SCARB1: variants seen among roughly 807,000 people sequenced by gnomAD.
The protein encoded by SCARB1 is CD36 and LIMPII analogous 1.
Under a neutral mutation model 57.2 loss-of-function variants are expected in SCARB1, and 30 were observed. The ratio of observed to expected loss-of-function variants is 0.52; its 90% confidence interval spans 0.39 to 0.71. The LOEUF is 0.71. Ranked by LOEUF, SCARB1 falls within the 30% of genes least tolerant of loss-of-function variation. SCARB1 has a pLI of 0.00. For missense variants in SCARB1, 543 were observed against 671.2 expected, an observed-to-expected ratio of 0.81 and a Z score of 2.11; for synonymous variants, 249 against 268.3, an observed-to-expected ratio of 0.93 and a Z score of 0.70.
At chr12:124,832,539 T>C (rs1951447046) in intron 1 of SCARB1, among the ~76,000 whole-genome samples, 1 of 151,320 alleles carries the variant, frequency 6.6e-6, no homozygotes, top group South Asian at 2.1e-4. Flanking sequence ...AAAACTGTTC[T>C]AAAACAGAAA....
intron 1 of SCARB1, among the ~76,000 whole-genome samples, chr12:124,837,458 G>A (rs141220016): frequency 1.2e-4 from 7 of 59,792 alleles, no homozygotes; most frequent in African/African-American, 2.3e-4. Flanking sequence ...AAAGAAAGAA[G>A]GAAAGAAAGA....
chr12:124,818,153 G>A (rs200151096), intron 1 of SCARB1, among the ~76,000 whole-genome samples: 3 of 152,226 alleles, frequency 2.0e-5, no homozygotes, highest in Non-Finnish European at 4.4e-5. Context: ...AAGAGCTGGG[G>A]ATGGGAGAAT....
At chr12:124,859,510 G>A (rs951665721) in intron 1 of SCARB1, among the ~76,000 whole-genome samples, 3 of 148,908 alleles carry the variant, frequency 2.0e-5, no homozygotes, top group Admixed American at 6.8e-5. Context: ...CAGCCTGGGC[G>A]ACAGAGCGAG....
chr12:124,832,047 C>T (rs773236933), intron 1 of SCARB1, among the ~76,000 whole-genome samples: 84 of 152,012 alleles, frequency 5.5e-4, no homozygotes, highest in Non-Finnish European at 1.1e-3. Flanking sequence ...GAAAATGATA[C>T]GAAGGAGAAA....
intron 1 of SCARB1, among the ~76,000 whole-genome samples, chr12:124,853,390 G>GGTTTA: frequency 8.2e-6 from 1 of 122,552 alleles, no homozygotes; most frequent in South Asian, 2.6e-4. Flanking sequence ...GCATAGTTTT[G>GGTTTA]TTTTTTTTTT....
intron 1 of SCARB1, among the ~76,000 whole-genome samples, chr12:124,825,920 A>C (rs1002934812): frequency 6.6e-6 from 1 of 152,098 alleles, no homozygotes; most frequent in African/African-American, 2.4e-5. Context: ...GGGGAGATGC[A>C]GGTCACAGGG....
chr12:124,827,582 A>G (rs1862587683), intron 1 of SCARB1, among the ~76,000 whole-genome samples: 1 of 152,168 alleles, frequency 6.6e-6, no homozygotes, highest in Non-Finnish European at 1.5e-5. Context: ...GAAGGACAAC[A>G]GCAGAAGCGG....
chr12:124,853,801 C>G (rs973147450), intron 1 of SCARB1, among the ~76,000 whole-genome samples: 1 of 152,202 alleles, frequency 6.6e-6, no homozygotes, highest in Non-Finnish European at 1.5e-5. Context: ...CCAGCATCCA[C>G]TGGGAAACAA....
intron 9 of SCARB1, among the ~76,000 whole-genome samples, chr12:124,794,434 T>C (rs1949860918): frequency 7.3e-6 from 1 of 136,638 alleles, no homozygotes; most frequent in African/African-American, 2.8e-5. Flanking sequence ...GGAGTCTTGC[T>C]CTGTCGCCCA....
intron 1 of SCARB1, among the ~76,000 whole-genome samples, chr12:124,824,380 G>A (rs1225657031): frequency 3.3e-5 from 5 of 152,132 alleles, no homozygotes; most frequent in Admixed American, 1.3e-4. Flanking sequence ...AGGGGCTGGG[G>A]CAGAAAGGAA....
At chr12:124,794,710 C>T (rs965136713) in intron 9 of SCARB1, among the ~76,000 whole-genome samples, 16 of 152,156 alleles carry the variant, frequency 1.1e-4, no homozygotes, top group Non-Finnish European at 2.2e-4. Flanking sequence ...GTGGGTGGAT[C>T]ACTTGAGGCC....
At position 124,817,500 on chromosome 12, in the gene SCARB1, C is replaced by T; in HGVS notation, c.284+50G>A. On this transcript the variant is annotated intron_variant, in intron 2 of 12. Coordinates refer to ENST00000261693, the MANE Select transcript of SCARB1 (RefSeq NM_005505.5). This position sits in a 1 kb window ranked among gnomAD's most constrained non-coding sequence, Gnocchi z 4.8. ...ATCCCGTCCACTCTGAGACCCCTCC[C>T]CTGCCCAGCCTCAGCCGGCCCCTCC... The T allele has an allele frequency of 1.9e-6, 3 of 1,598,684 alleles. No homozygotes were observed. The highest frequency in any genetic ancestry group is 2.6e-6 in the Non-Finnish European group (3 of 1,171,870).
At chr12:124,786,591 C>T (rs1340836004) in intron 10 of SCARB1, 88 bp from the exon 11 acceptor site, 3 of 1,569,524 alleles carry the variant, frequency 1.9e-6, no homozygotes, top group Non-Finnish European at 2.6e-6. Context: ...CCTCTGTGCC[C>T]GCCTCAGCTT....
In SCARB1 at chr12:124,847,737, G is replaced by C. The variant is rs189484961; in HGVS notation, c.126+15858C>G. 5.1e-4 allele frequency among the ~76,000 whole-genome samples: 77 copies of C among 152,342 alleles called. 1 individual carries two copies. In the East Asian group the frequency reaches 0.013, roughly 27 times the overall value. On this transcript the variant is annotated intron_variant, in intron 1 of 12. Transcript: ENST00000261693. Reference sequence around the variant, plus strand: ...GAGGAAGGGACCAGGAGGAATTGCAGGCTTCTTCAACCCAAGAGGTTCAGA... The same window carrying C: ...GAGGAAGGGACCAGGAGGAATTGCACGCTTCTTCAACCCAAGAGGTTCAGA...
At chr12:124,813,692 G>C (rs186742142) in intron 4 of SCARB1, among the ~76,000 whole-genome samples, 1 of 152,076 alleles carries the variant, frequency 6.6e-6, no homozygotes, top group Non-Finnish European at 1.5e-5. Context: ...GCAGCACCAC[G>C]ATATCCCCCC....
At position 124,803,081 on chromosome 12, in the gene SCARB1, A is replaced by G. The variant is rs112625705; in HGVS notation, c.1010-2839T>C. ...CACAACGTCACGGACGAATTGCACC[A>G]GGGTGCTAAGGGGTGCACGGACCAG... On this transcript the variant is annotated intron_variant, in intron 7 of 12. Transcript: ENST00000261693. Among the ~76,000 whole-genome samples the G allele has an allele frequency of 6.3e-3, 957 of 152,368 alleles. 9 individuals carry two copies. The highest frequency in any genetic ancestry group is 0.022 in the African/African-American group (901 of 41,580).
At chr12:124,839,001 C>G (rs900137644) in intron 1 of SCARB1, among the ~76,000 whole-genome samples, 1 of 152,090 alleles carries the variant, frequency 6.6e-6, no homozygotes, top group Admixed American at 6.6e-5. Context: ...TCTTGAACTC[C>G]TGACCTCGTG....
intron 1 of SCARB1, among the ~76,000 whole-genome samples, chr12:124,830,700 T>C (rs1054855868): frequency 6.6e-6 from 1 of 151,968 alleles, no homozygotes; most frequent in Non-Finnish European, 1.5e-5. Context: ...GTATAGGGGG[T>C]CATTACAAGC....
chr12:124,784,394 C>G (rs941423607), intron 11 of SCARB1: 1 of 152,266 alleles, frequency 6.6e-6, no homozygotes, highest in Admixed American at 6.5e-5. Flanking sequence ...GGAGCTCAAA[C>G]GCTAGAGCAG....
Sources: gnomAD v4.1 joint callset for allele counts (sites outside exome capture counted in the v4.1 genomes callset) on GRCh38, gnomAD v4.1.1 for gene constraint, Gnocchi (gnomAD v3.1) non-coding constraint, MANE v1.5 for transcripts, NCBI Gene and HGNC (gene_info 2026-07-23, HGNC 2026-07-21) for gene names.